PHF10: variants seen among roughly 807,000 people sequenced by gnomAD.
PHF10 encodes BRG1-associated factor 45a.
PHF10 carries 51 observed loss-of-function variants against 68.5 expected under a neutral mutation model. The ratio of observed to expected loss-of-function variants is 0.74; its 90% CI spans 0.59 to 0.94. PHF10 has a LOEUF of 0.94. Ranked by LOEUF, PHF10 falls within the 40% of genes least tolerant of loss-of-function variation. PHF10 has a pLI of 0.00. For missense variants in PHF10, 460 were observed against 602.6 expected (o/e 0.76, Z 2.48); for synonymous variants, 204 against 203.5 (o/e 1.00, Z -0.02).
Position 169,710,234 on chromosome 6 carries a change from A to C in PHF10, c.1113+2T>G, listed in dbSNP as rs1353273808. ...GCTGAGTCAGGGGCTTTTTTCTTCT[A>C]CCTTGTACCCAGGAACTGACTTGGA... On this transcript the variant is annotated splice_donor_variant, in intron 9 of 11. Transcript: ENST00000339209. LOFTEE classifies it high-confidence loss of function. 1.9e-6 allele frequency: 3 copies of C among 1,604,852 alleles called. No homozygotes were observed. The African/African-American group carries it at 4.0e-5, about 22-fold the overall frequency.
chr6:169,711,856 A>C (rs1237981251), intron 8 of PHF10, among the ~76,000 whole-genome samples: 1 of 152,206 alleles, frequency 6.6e-6, no homozygotes, highest in Non-Finnish European at 1.5e-5. Context: ...TCAAAGCCCC[A>C]AACCATCATT....
intron 4 of PHF10, among the ~76,000 whole-genome samples, chr6:169,717,006 C>T (rs1168790236): frequency 1.3e-5 from 2 of 152,210 alleles, no homozygotes; most frequent in African/African-American, 4.8e-5. Flanking sequence ...GTAATCCCAG[C>T]ACTTTGGGAG....
chr6:169,717,276 T>C (rs766295687), intron 4 of PHF10, among the ~76,000 whole-genome samples: 10 of 152,142 alleles, frequency 6.6e-5, no homozygotes, highest in Non-Finnish European at 1.3e-4. Flanking sequence ...TAGACAATTA[T>C]ACTCTGTTAT....
intron 3 of PHF10, 25 bp downstream of exon 3, chr6:169,718,763 A>G: frequency 7.8e-7 from 1 of 1,277,884 alleles, no homozygotes; most frequent in South Asian, 1.3e-5. Context: ...TCAATTATAA[A>G]TTAATCTATT....
intron 6 of PHF10, 22 bp from the exon 7 acceptor site, chr6:169,714,864 C>A (rs1789010123): frequency 8.9e-7 from 1 of 1,121,870 alleles, no homozygotes; most frequent in Admixed American, 1.7e-5. Context: ...TAAAGAGAAA[C>A]ACAAAACTGA....
intron 9 of PHF10, chr6:169,707,076 C>T (rs1433318367): frequency 1.3e-5 from 2 of 152,122 alleles, no homozygotes; most frequent in East Asian, 1.9e-4. Flanking sequence ...CAACCTTATA[C>T]ATAAATAGAA....
intron 11 of PHF10, 188 bp downstream of exon 11, chr6:169,704,945 A>G (rs1788724476): frequency 4.7e-6 from 2 of 429,654 alleles, no homozygotes; most frequent in Non-Finnish European, 4.2e-6. Flanking sequence ...CCTTTCACTT[A>G]TCCTTTAGTT....
At chr6:169,723,046 C>G (rs776423591) in intron 1 of PHF10, among the ~76,000 whole-genome samples, 1 of 152,226 alleles carries the variant, frequency 6.6e-6, no homozygotes, top group Non-Finnish European at 1.5e-5. Flanking sequence ...AGGCGCAGCC[C>G]GGCTAGGCTG....
intron 8 of PHF10, among the ~76,000 whole-genome samples, chr6:169,711,864 A>G (rs777974897): frequency 1.1e-4 from 16 of 152,132 alleles, no homozygotes; most frequent in South Asian, 2.1e-4. Flanking sequence ...CCAAACCATC[A>G]TTGGGATTTT....
chr6:169,704,273 C>T (rs2128328146), intron 11 of PHF10, 185 bp from the exon 12 acceptor site: 2 of 518,690 alleles, frequency 3.9e-6, no homozygotes, highest in South Asian at 7.0e-5. Context: ...TAATCAATGC[C>T]ATGCAAAATT....
At position 169,704,085 on chromosome 6, in the gene PHF10, C is replaced by A. The variant is rs148902304; in HGVS notation, c.1415G>T (p.Arg472Leu). Residue 472 changes from arginine to leucine, a missense_variant, in exon 12 of 12, where the codon CGC becomes CTC. Around this residue, in one of 3 missense-constraint regions of PHF10, gnomAD observed 111 missense variants for 109.7 expected, o/e 1.01. Coordinates refer to ENST00000339209, the MANE Select transcript of PHF10 (RefSeq NM_018288.4). ...CVGLGAIPSG[R>L]WICDCCQRAP... Reference sequence around the variant, plus strand: ...CCGCTGACAACAGTCACAAATCCAGCGACCTAGGAAAAAAATTGTTAATAT... The same window carrying A: ...CCGCTGACAACAGTCACAAATCCAGAGACCTAGGAAAAAAATTGTTAATAT... 2 of 1,573,274 alleles carry A rather than the reference C, an allele frequency of 1.3e-6. No homozygotes were observed. The highest frequency in any genetic ancestry group is 2.2e-5 in the Admixed American group (1 of 46,462).
Position 169,724,398 on chromosome 6 carries a change from TCGCCTCAGCCCCGC to T in PHF10, c.-481_-468del, listed in dbSNP as rs1379659431. 1.0e-4 allele frequency among the ~76,000 whole-genome samples: 4 copies of T among 39,240 alleles called. No individual in the cohort carries two copies. The highest frequency in any genetic ancestry group is 1.7e-4 in the Non-Finnish European group (4 of 23,130). 25.7% of individuals were successfully genotyped at this position (39,240 alleles called of 152,430 possible). ...CCCGCGGCCGCCTCAGCCCCGCCGC[TCGCCTCAGCCCCGC>T]CGCTCGCCTCAGCCCCGCCGCTCCC... On this transcript the variant is annotated 5_prime_UTR_variant, in exon 1 of 12. Transcript: ENST00000339209.
At chr6:169,710,733 T>C (rs1236202258) in intron 8 of PHF10, among the ~76,000 whole-genome samples, 1 of 152,182 alleles carries the variant, frequency 6.6e-6, no homozygotes, top group Non-Finnish European at 1.5e-5. Flanking sequence ...AGGGAACATA[T>C]TTGTTTCATA....
chr6:169,705,323 T>A lies in PHF10; in HGVS notation c.1223-2A>T, dbSNP rs1788743844. On this transcript the variant is annotated splice_acceptor_variant, in intron 10 of 11. Coordinates refer to ENST00000339209, the MANE Select transcript of PHF10 (RefSeq NM_018288.4). LOFTEE classifies it high-confidence loss of function. Reference sequence around the variant, plus strand: ...TCATATCCAGGCAAGAAGGATGGCCTAAATCAAAACCAGTATTAGTGGTAT... The same window carrying A: ...TCATATCCAGGCAAGAAGGATGGCCAAAATCAAAACCAGTATTAGTGGTAT... The A allele has an allele frequency of 6.3e-7, 1 of 1,599,286 alleles. No individual in the cohort carries two copies. Among genetic ancestry groups the A allele is most frequent in the Non-Finnish European group, 8.5e-7 (1 of 1,171,816 alleles).
In PHF10 at chr6:169,705,121, T is replaced by G; in HGVS notation, c.1411+12A>C. On this transcript the variant is annotated intron_variant, in intron 11 of 11. Coordinates refer to ENST00000339209, the MANE Select transcript of PHF10 (RefSeq NM_018288.4). ...ACCCAAAGATAATGTTTGCTCTTTT[T>G]TTAATCTTTACCTGATGGAATAGCA... 1 of 1,579,292 alleles carries G rather than the reference T, an allele frequency of 6.3e-7. No individual in the cohort carries two copies. The highest frequency in any genetic ancestry group is 8.6e-7 in the Non-Finnish European group (1 of 1,161,164).
At chr6:169,714,670 A>G (rs770416856) in intron 7 of PHF10, 63 bp downstream of exon 7, 9 of 830,750 alleles carry the variant, frequency 1.1e-5, no homozygotes, top group Non-Finnish European at 1.5e-5. Flanking sequence ...GGAGGCAAGT[A>G]CAAAAGGCTC....
At chr6:169,706,255 A>T (rs991149649) in intron 9 of PHF10, among the ~76,000 whole-genome samples, 11 of 152,228 alleles carry the variant, frequency 7.2e-5, no homozygotes, top group Non-Finnish European at 1.2e-4. Context: ...TTTTAATTGA[A>T]AGATGTCTCA....
At chr6:169,711,865 T>C (rs1302199298) in intron 8 of PHF10, among the ~76,000 whole-genome samples, 1 of 152,156 alleles carries the variant, frequency 6.6e-6, no homozygotes, top group Non-Finnish European at 1.5e-5. Flanking sequence ...CAAACCATCA[T>C]TGGGATTTTA....
rs1276505370 is a variant in PHF10 at position 169,723,884 on chromosome 6, G to C, written c.48C>G (p.Cys16Trp). 9.2e-7 allele frequency: 1 copy of C among 1,091,228 alleles called. No individual in the cohort carries two copies. Among genetic ancestry groups the C allele is most frequent in the Non-Finnish European group, 1.1e-6 (1 of 895,110 alleles). 67.6% of individuals were successfully genotyped at this position (1,091,228 alleles called of 1,614,324 possible). A position where few individuals can be genotyped will look rare whatever the true frequency, so the allele number is the denominator to read the frequency against. The change falls in exon 1 of 12, where the codon TGC becomes TGG. Residue 16 changes from cysteine to tryptophan, a missense_variant. This residue lies in a region of PHF10 where 93 missense variants were observed against 82.4 expected (regional missense o/e 1.13). Transcript: ENST00000339209. ...GPGAALSPRP[C>W]DSDPATPGAQ... ...CTCCGGGGGTGGCTGGGTCGCTGTC[G>C]CACGGCCGCGGGGACAGCGCAGCCC...
Sources: allele counts gnomAD v4.1 joint callset (sites outside exome capture counted in the v4.1 genomes callset), GRCh38; gene constraint gnomAD v4.1.1; regional missense constraint gnomAD v4.1.1; transcripts MANE v1.5; gene names NCBI Gene and HGNC (gene_info 2026-07-23, HGNC 2026-07-21).